The following PRELID2 variants were observed in gnomAD, a reference collection of about 807,000 sequenced individuals.
PRELID2 encodes PRELI domain containing 2.
A neutral mutation model predicts 28.4 loss-of-function variants in PRELID2; 25 were observed. The ratio of observed to expected loss-of-function variants is 0.88; its 90% CI spans 0.64 to 1.23. The LOEUF (loss-of-function observed/expected upper bound fraction) is 1.23. Among genes scored for constraint, PRELID2 ranks in the 50% most tolerant of loss-of-function variants. The probability of loss-of-function intolerance (pLI) is 0.00; values close to 1 mark genes in which losing one functional copy is unlikely to be tolerated. For missense variants in PRELID2, 201 were observed against 214.4 expected (o/e 0.94, Z 0.39); for synonymous variants, 76 against 71.6 (o/e 1.06, Z -0.31).
At chr5:145,416,739 C>G in the PRELID2 span, among the ~76,000 whole-genome samples, 5 of 151,872 alleles carry the variant, frequency 3.3e-5, no homozygotes, top group African/African-American at 1.2e-4. Context: ...GCTAAAAGAA[C>G]TAGAAAAGCA....
chr5:145,774,330 C>A (rs200624574), intron 5 of PRELID2, among the ~76,000 whole-genome samples: 1 of 152,188 alleles, frequency 6.6e-6, no homozygotes, highest in Admixed American at 6.5e-5. Flanking sequence ...CATTCCACAA[C>A]GAGTGCTTAC....
chr5:145,834,800 G>A, intron 1 of PRELID2: 1 of 193,134 alleles, frequency 5.2e-6, no homozygotes, highest in Non-Finnish European at 1.1e-5. Context: ...GAACCATCAT[G>A]CTGAGTAAAC....
chr5:145,351,777 G>A, the PRELID2 span, among the ~76,000 whole-genome samples: 15 of 152,122 alleles, frequency 9.9e-5, no homozygotes, highest in Admixed American at 9.8e-4. Flanking sequence ...TTACTTCCTA[G>A]ATACAATACA....
intron 1 of PRELID2, among the ~76,000 whole-genome samples, chr5:145,700,436 G>A (rs1181262313): frequency 6.6e-6 from 1 of 152,028 alleles, no homozygotes; most frequent in Non-Finnish European, 1.5e-5. Context: ...GTTTTCACCA[G>A]CAAGGTAGAA....
At chr5:145,410,159 G>C in the PRELID2 span, among the ~76,000 whole-genome samples, 2 of 152,134 alleles carry the variant, frequency 1.3e-5, no homozygotes, top group Non-Finnish European at 2.9e-5. Context: ...CATAAATCAA[G>C]TCAAGATGGA....
chr5:145,703,583 G>A (rs1337962175), intron 1 of PRELID2, among the ~76,000 whole-genome samples: 2 of 152,218 alleles, frequency 1.3e-5, no homozygotes, highest in African/African-American at 4.8e-5. Flanking sequence ...TGGGACATTT[G>A]ACTAAACCCA....
the PRELID2 span, among the ~76,000 whole-genome samples, chr5:145,316,527 G>T: frequency 2.6e-3 from 401 of 152,260 alleles, no homozygotes; most frequent in African/African-American, 9.1e-3. Context: ...CAATGTGAAA[G>T]AGAATAGAAA....
At chr5:145,767,868 G>T (rs1301990469) in intron 5 of PRELID2, among the ~76,000 whole-genome samples, 1 of 152,106 alleles carries the variant, frequency 6.6e-6, no homozygotes, top group Non-Finnish European at 1.5e-5. Context: ...GATGAAACAG[G>T]TTATCCTTAA....
chr5:145,323,224 C>T, the PRELID2 span, among the ~76,000 whole-genome samples: 77 of 150,686 alleles, frequency 5.1e-4, no homozygotes, highest in African/African-American at 1.8e-3. Flanking sequence ...CTAGAAAGGG[C>T]ATGGCAGGGG....
At chr5:145,551,576 A>C (rs1379857195) in intron 1 of PRELID2, among the ~76,000 whole-genome samples, 1 of 152,174 alleles carries the variant, frequency 6.6e-6, no homozygotes, top group Non-Finnish European at 1.5e-5. Context: ...AATTAAAAAA[A>C]TTTACCTTTG....
At chr5:145,782,602 T>C (rs1376848836) in intron 5 of PRELID2, among the ~76,000 whole-genome samples, 1 of 152,250 alleles carries the variant, frequency 6.6e-6, no homozygotes, top group Non-Finnish European at 1.5e-5. Context: ...AACATATTTA[T>C]GTTAATAGAA....
At chr5:145,336,337 A>T in the PRELID2 span, among the ~76,000 whole-genome samples, 1 of 151,182 alleles carries the variant, frequency 6.6e-6, no homozygotes, top group East Asian at 1.9e-4. Flanking sequence ...TTTAGACATG[A>T]AGTCCTTGCC....
chr5:145,490,092 C>T (rs1752255761), intron 1 of PRELID2, among the ~76,000 whole-genome samples: 2 of 151,722 alleles, frequency 1.3e-5, no homozygotes, highest in Non-Finnish European at 2.9e-5. Context: ...AAAATAAAAT[C>T]AACTGAGCTA....
intron 1 of PRELID2, among the ~76,000 whole-genome samples, chr5:145,617,916 A>T (rs1753722296): frequency 6.6e-6 from 1 of 152,018 alleles, no homozygotes; most frequent in African/African-American, 2.4e-5. Flanking sequence ...TATTTTTAGT[A>T]GAGATGGGGT....
chr5:145,680,631 C>T (rs1397751883), intron 1 of PRELID2, among the ~76,000 whole-genome samples: 1 of 152,172 alleles, frequency 6.6e-6, no homozygotes, highest in Non-Finnish European at 1.5e-5. Flanking sequence ...AACACAAGTC[C>T]ATGTAATTAA....
At chr5:145,674,504 A>T (rs1350644525) in intron 1 of PRELID2, among the ~76,000 whole-genome samples, 1 of 152,250 alleles carries the variant, frequency 6.6e-6, no homozygotes, top group Non-Finnish European at 1.5e-5. Context: ...TTATTAATTC[A>T]GATTCAGCAT....
rs536034823 is a variant in PRELID2, at chr5:145,475,405, T to A, written n.71-2090A>T. Among the ~76,000 whole-genome samples, 19 of 152,222 alleles carry A rather than the reference T, an allele frequency of 1.2e-4. No individual in the cohort carries two copies. The South Asian group carries it at 3.7e-3, about 30-fold the overall frequency. On this transcript the variant is annotated intron_variant and non_coding_transcript_variant, in intron 1 of 2. Transcript: ENST00000510259. ...CACTTAGCTTATGAAACTGAAAAAA[T>A]AAGCAGCCTAAACATCCACTGTGAT...
the PRELID2 span, among the ~76,000 whole-genome samples, chr5:145,278,834 G>A: frequency 1.3e-5 from 2 of 152,084 alleles, no homozygotes; most frequent in Non-Finnish European, 2.9e-5. Context: ...CTTATCAATA[G>A]CAAAAGCCTG....
intron 1 of PRELID2, among the ~76,000 whole-genome samples, chr5:145,712,815 T>C (rs1260763339): frequency 6.6e-6 from 1 of 151,988 alleles, no homozygotes; most frequent in South Asian, 2.1e-4. Context: ...GTGGGCTATT[T>C]CAGCAGAGAT....
Sources: gnomAD v4.1 joint callset for allele counts (sites outside exome capture counted in the v4.1 genomes callset) on GRCh38, gnomAD v4.1.1 for gene constraint, MANE v1.5 for transcripts, NCBI Gene and HGNC (gene_info 2026-07-23, HGNC 2026-07-21) for gene names.